Variants in GTPBP8 observed in about 807,000 individuals in gnomAD.
GTPBP8 encodes GTP-binding protein 8.
In GTPBP8, 21 loss-of-function variants were observed where a neutral mutation model predicts 27.3. The observed-to-expected ratio is 0.77, with a 90% confidence interval of 0.55 to 1.11. GTPBP8 has a LOEUF of 1.11. Ranked by LOEUF, GTPBP8 falls within the 50% of genes least tolerant of loss-of-function variation. The pLI is 0.00. For synonymous variants in GTPBP8, 147 were observed against 135.3 expected, an observed-to-expected ratio of 1.09 and a Z score of -0.60; for missense variants, 380 against 350.8, an observed-to-expected ratio of 1.08 and a Z score of -0.67.
At chr3:112,997,243 T>G (rs1933803890) in intron 4 of GTPBP8, among the ~76,000 whole-genome samples, 1 of 152,236 alleles carries the variant, frequency 6.6e-6, no homozygotes, top group Admixed American at 6.5e-5. Flanking sequence ...GGCTGTTCAT[T>G]TAATGTTCCT....
rs1264573554 is a variant in GTPBP8 at position 112,996,876 on chromosome 3, T to G, written c.567-16T>G. Reference sequence around the variant, plus strand: ...ATTTTATATTGCCATTAATCTTCTTTTCTACATGCTTATAGCTTGAAGAGA... The same window carrying G: ...ATTTTATATTGCCATTAATCTTCTTGTCTACATGCTTATAGCTTGAAGAGA... On this transcript the variant is annotated splice_polypyrimidine_tract_variant and intron_variant, in intron 3 of 5. Coordinates refer to ENST00000383678, the MANE Select transcript of GTPBP8 (RefSeq NM_014170.4). 8.5e-7 allele frequency: 1 copy of G among 1,172,286 alleles called. No individual in the cohort carries two copies. The highest frequency in any genetic ancestry group is 1.7e-5 in the Admixed American group (1 of 58,820). 72.6% of individuals were successfully genotyped at this position (1,172,286 alleles called of 1,614,324 possible).
At chr3:112,995,032 C>A in intron 2 of GTPBP8, 103 bp from the exon 3 acceptor site, 1 of 869,798 alleles carries the variant, frequency 1.1e-6, no homozygotes, top group Non-Finnish European at 1.8e-6. Context: ...ATATACTTGG[C>A]TTTTAATAAA....
At chr3:112,997,519 C>A (rs1454031663) in intron 4 of GTPBP8, among the ~76,000 whole-genome samples, 2 of 152,084 alleles carry the variant, frequency 1.3e-5, no homozygotes, top group African/African-American at 4.8e-5. Context: ...GTCTTTTGAC[C>A]TAGACTAGAA....
chr3:112,999,481 A>C lies in GTPBP8; in HGVS notation c.702A>C (p.Gly234=), dbSNP rs1303680195. 2 of 1,524,078 alleles carry C rather than the reference A, an allele frequency of 1.3e-6. No individual in the cohort carries two copies. 94.4% of individuals were successfully genotyped at this position (1,524,078 alleles called of 1,614,324 possible). A position where few individuals can be genotyped will look rare whatever the true frequency, so the allele number is the denominator to read the frequency against. The change falls in exon 5 of 6, where the codon GGA becomes GGC. Residue 234 remains glycine (G), a synonymous_variant. Transcript: ENST00000383678. ...CAAAAATTGACAAATCTTCCAAGGGACATCTTTTAAAACAAGTGCTTCAGA... is the reference window on the plus strand; with the variant it reads ...CAAAAATTGACAAATCTTCCAAGGGCCATCTTTTAAAACAAGTGCTTCAGA... The part of the protein sequence containing the change: ...VLTKIDKSSK[G]HLLKQVLQIQ...
In GTPBP8 at chr3:112,997,001, T is replaced by TC; in HGVS notation, c.666+12dup. On this transcript the variant is annotated intron_variant, in intron 4 of 5. Transcript: ENST00000383678. Reference sequence around the variant, plus strand: ...TGCATTACCTTATGTGGTAAGTACTTCCTTTGAATCATGGTTGCAATTAGA... The same window carrying TC: ...TGCATTACCTTATGTGGTAAGTACTTCCCTTTGAATCATGGTTGCAATTAGA... 8.5e-7 allele frequency: 1 copy of TC among 1,173,944 alleles called. No homozygotes were observed. The highest frequency in any genetic ancestry group is 1.3e-6 in the Non-Finnish European group (1 of 781,336). The allele number at this position is 1,173,944 out of a possible 1,614,324, so 72.7% of individuals were successfully genotyped here.
intron 5 of GTPBP8, among the ~76,000 whole-genome samples, chr3:113,000,060 T>A (rs1234956464): frequency 1.3e-5 from 2 of 152,150 alleles, no homozygotes; most frequent in Non-Finnish European, 2.9e-5. Context: ...ACCTGTAATA[T>A]TATCAGTGTT....
chr3:112,996,534 CTG>C (rs1383550841), intron 3 of GTPBP8, among the ~76,000 whole-genome samples: 1 of 151,948 alleles, frequency 6.6e-6, no homozygotes, highest in African/African-American at 2.4e-5. Flanking sequence ...AATTTATAAT[CTG>C]TAATTTATGG....
intron 5 of GTPBP8, among the ~76,000 whole-genome samples, chr3:113,000,347 C>CA (rs1210219419): frequency 6.6e-6 from 1 of 152,104 alleles, no homozygotes; most frequent in African/African-American, 2.4e-5. Flanking sequence ...GCCTGGGCGA[C>CA]AGAGTGAGAC....
chr3:112,996,060 G>A (rs1214998041), intron 3 of GTPBP8, among the ~76,000 whole-genome samples: 7 of 152,200 alleles, frequency 4.6e-5, no homozygotes, highest in African/African-American at 1.7e-4. Flanking sequence ...AATGTATCTT[G>A]TTTGTTGTAG....
chr3:112,995,000 C>T (rs1272832840), intron 2 of GTPBP8, 135 bp from the exon 3 acceptor site: 7 of 583,326 alleles, frequency 1.2e-5, no homozygotes, highest in Non-Finnish European at 2.1e-5. Context: ...TTTCCTGTGT[C>T]ATCATCAGCA....
At chr3:112,994,195 T>A (rs1197430734) in intron 2 of GTPBP8, among the ~76,000 whole-genome samples, 1 of 152,140 alleles carries the variant, frequency 6.6e-6, no homozygotes, top group Non-Finnish European at 1.5e-5. Context: ...AGGCCGAGGC[T>A]GGCCAATCAC....
intron 3 of GTPBP8, among the ~76,000 whole-genome samples, chr3:112,996,642 T>C (rs971815322): frequency 1.3e-5 from 2 of 152,230 alleles, no homozygotes; most frequent in African/African-American, 4.8e-5. Context: ...GAATGTCTTA[T>C]ATCCAATATA....
chr3:112,991,737 C>T (rs528100724), intron 1 of GTPBP8: 10 of 370,850 alleles, frequency 2.7e-5, no homozygotes, highest in Non-Finnish European at 4.7e-5. Flanking sequence ...GTAGGGAAAA[C>T]ATGCCAGACA....
At chr3:112,999,425 T>TAAA (rs904163660) in intron 4 of GTPBP8, 21 bp from the exon 5 acceptor site, 2 of 882,332 alleles carry the variant, frequency 2.3e-6, no homozygotes, top group African/African-American at 3.4e-5. Context: ...TTCTAATGCA[T>TAAA]AAAAATTTGT....
rs1008071965 is a variant in GTPBP8 at position 113,001,238 on chromosome 3, G to A, written c.*319G>A. 2.1e-5 allele frequency: 4 copies of A among 186,544 alleles called. No individual in the cohort carries two copies. Among genetic ancestry groups the A allele is most frequent in the African/African-American group, 7.0e-5 (3 of 42,704 alleles). 11.6% of individuals were successfully genotyped at this position (186,544 alleles called of 1,614,324 possible). ...TACAGAAGGGTTTGACGTTTTATTG[G>A]GCTTTTGTCTTTTAAAGAATATGTC... is the stretch of plus-strand genomic sequence containing the variant. On this transcript the variant is annotated 3_prime_UTR_variant, in exon 6 of 6. Coordinates refer to ENST00000383678, the MANE Select transcript of GTPBP8 (RefSeq NM_014170.4).
At chr3:112,995,936 A>T (rs1168254344) in intron 3 of GTPBP8, among the ~76,000 whole-genome samples, 6 of 152,226 alleles carry the variant, frequency 3.9e-5, no homozygotes, top group Non-Finnish European at 1.5e-5. Context: ...AATACTTCAG[A>T]CATCACATTT....
At chr3:112,993,776 T>C (rs1292874308) in intron 2 of GTPBP8, among the ~76,000 whole-genome samples, 1 of 152,172 alleles carries the variant, frequency 6.6e-6, no homozygotes, top group Non-Finnish European at 1.5e-5. Context: ...CCCCTTTCAT[T>C]GAGTTGGAAC....
At chr3:113,000,603 ACAAAG>A (rs1232698427) in intron 5 of GTPBP8, among the ~76,000 whole-genome samples, 2 of 152,238 alleles carry the variant, frequency 1.3e-5, no homozygotes, top group African/African-American at 4.8e-5. Flanking sequence ...ATTCTGGAAA[ACAAAG>A]CAAAATAGAA....
chr3:113,000,344 C>T (rs1166530086), intron 5 of GTPBP8, among the ~76,000 whole-genome samples: 7 of 152,064 alleles, frequency 4.6e-5, no homozygotes, highest in South Asian at 2.1e-4. Flanking sequence ...CCAGCCTGGG[C>T]GACAGAGTGA....
Sources: allele counts gnomAD v4.1 joint callset (sites outside exome capture counted in the v4.1 genomes callset), GRCh38; gene constraint gnomAD v4.1.1; transcripts MANE v1.5; gene names NCBI Gene and HGNC (gene_info 2026-07-23, HGNC 2026-07-21).